Variants in ZNF609 observed in about 807,000 individuals in gnomAD.
ZNF609 encodes zinc finger protein 609.
ZNF609 carries 11 observed loss-of-function variants against 109.5 expected under a neutral mutation model. That is an observed-to-expected ratio of 0.10 (90% CI 0.06 to 0.17). ZNF609 has a LOEUF of 0.17. Ranked by LOEUF, ZNF609 falls within the 10% of genes least tolerant of loss-of-function variation. The pLI, the probability that ZNF609 is intolerant of heterozygous loss-of-function variation, is 1.00. For synonymous variants in ZNF609, 646 were observed against 662.0 expected, an observed-to-expected ratio of 0.98 and a Z score of 0.37; for missense variants, 1,559 against 1,772.4, an observed-to-expected ratio of 0.88 and a Z score of 2.16.
intron 2 of ZNF609, among the ~76,000 whole-genome samples, chr15:64,514,763 C>G (rs1484994524): frequency 1.3e-5 from 2 of 152,026 alleles, no homozygotes; most frequent in Non-Finnish European, 1.5e-5. Flanking sequence ...CTTAGCCACC[C>G]CAGTAGCTGG....
intron 2 of ZNF609, among the ~76,000 whole-genome samples, chr15:64,536,725 C>G (rs1051348253): frequency 4.4e-5 from 2 of 45,866 alleles, no homozygotes; most frequent in African/African-American, 1.2e-4. Context: ...AAAATTCCAC[C>G]CCCCCCCCCA....
At chr15:64,625,209 T>A (rs1413545188) in intron 3 of ZNF609, among the ~76,000 whole-genome samples, 1 of 152,250 alleles carries the variant, frequency 6.6e-6, no homozygotes, top group Non-Finnish European at 1.5e-5. Flanking sequence ...TTGCTCATCA[T>A]TGTATCCAAG....
intron 2 of ZNF609, among the ~76,000 whole-genome samples, chr15:64,554,764 A>G (rs774849637): frequency 1.1e-4 from 16 of 152,080 alleles, no homozygotes; most frequent in Non-Finnish European, 4.4e-5. Context: ...TGATTTATTA[A>G]CCTTTTTATA....
At chr15:64,676,849 G>C (rs914838599) in intron 5 of ZNF609, among the ~76,000 whole-genome samples, 3 of 151,482 alleles carry the variant, frequency 2.0e-5, no homozygotes, top group Non-Finnish European at 2.9e-5. Context: ...TGCCTCCCAG[G>C]TTCACACGAT....
At chr15:64,509,935 C>T (rs979771939) in intron 2 of ZNF609, among the ~76,000 whole-genome samples, 2 of 152,096 alleles carry the variant, frequency 1.3e-5, no homozygotes, top group African/African-American at 4.8e-5. Flanking sequence ...TACTGTAGTC[C>T]CCCCAACCTT....
chr15:64,586,370 A>T (rs1371073406), intron 2 of ZNF609, among the ~76,000 whole-genome samples: 1 of 151,844 alleles, frequency 6.6e-6, no homozygotes, highest in Non-Finnish European at 1.5e-5. Flanking sequence ...AATGAGTATC[A>T]GCAACATTTT....
intron 4 of ZNF609, among the ~76,000 whole-genome samples, chr15:64,672,653 A>G (rs1215016726): frequency 5.4e-5 from 8 of 148,072 alleles, no homozygotes; most frequent in Admixed American, 5.4e-4. Context: ...TATTCAGACC[A>G]TAATAGTTGC....
At chr15:64,489,941 GGCAGA>G (rs1405500091) in intron 1 of ZNF609, among the ~76,000 whole-genome samples, 5 of 151,638 alleles carry the variant, frequency 3.3e-5, no homozygotes, top group Non-Finnish European at 7.4e-5. Flanking sequence ...GAAGAGGCAT[GGCAGA>G]GCTTATTTTT....
intron 2 of ZNF609, among the ~76,000 whole-genome samples, chr15:64,563,684 G>A (rs1376639906): frequency 6.6e-6 from 1 of 151,960 alleles, no homozygotes; most frequent in Admixed American, 6.6e-5. Context: ...GCTGAGGCAG[G>A]AGAATAGCTT....
chr15:64,640,506 G>A (rs1896238483), intron 3 of ZNF609, among the ~76,000 whole-genome samples: 1 of 152,140 alleles, frequency 6.6e-6, no homozygotes, highest in African/African-American at 2.4e-5. Flanking sequence ...TCAGCAGTTG[G>A]CAGCATACTA....
chr15:64,498,992 T>C (rs1444291851), intron 1 of ZNF609, among the ~76,000 whole-genome samples: 1 of 152,124 alleles, frequency 6.6e-6, no homozygotes, highest in Non-Finnish European at 1.5e-5. Flanking sequence ...CAGCTGACAG[T>C]GGTAGTAGAA....
At chr15:64,604,847 T>A (rs182829388) in intron 2 of ZNF609, among the ~76,000 whole-genome samples, 84 of 150,026 alleles carry the variant, frequency 5.6e-4, no homozygotes, top group Admixed American at 3.1e-3. Flanking sequence ...TTATTTATTT[T>A]TTGAGATGGA....
At chr15:64,597,899 C>T (rs1217987433) in intron 2 of ZNF609, among the ~76,000 whole-genome samples, 1 of 152,102 alleles carries the variant, frequency 6.6e-6, no homozygotes, top group African/African-American at 2.4e-5. Flanking sequence ...CAATCTCTTC[C>T]CTTACCTACC....
chr15:64,475,171 G>GT (rs889264158), intron 1 of ZNF609, among the ~76,000 whole-genome samples: 18 of 128,090 alleles, frequency 1.4e-4, no homozygotes, highest in African/African-American at 2.9e-4. Flanking sequence ...ATTTCTTAGG[G>GT]TTTTTTTTTC....
intron 2 of ZNF609, among the ~76,000 whole-genome samples, chr15:64,580,302 C>G (rs777777574): frequency 3.3e-5 from 5 of 152,146 alleles, no homozygotes; most frequent in African/African-American, 4.8e-5. Context: ...CCATTTTAGA[C>G]TTTTGAACTC....
chr15:64,534,408 G>A (rs540592710), intron 2 of ZNF609, among the ~76,000 whole-genome samples: 4 of 152,008 alleles, frequency 2.6e-5, no homozygotes, highest in Admixed American at 1.3e-4. Flanking sequence ...TCCGCCTCCC[G>A]GGTTCAAGCG....
chr15:64,525,605 G>T (rs938038183), intron 2 of ZNF609, among the ~76,000 whole-genome samples: 1 of 152,166 alleles, frequency 6.6e-6, no homozygotes, highest in African/African-American at 2.4e-5. Flanking sequence ...ATTTCTGCAA[G>T]AAGCAGGCTA....
At chr15:64,562,325 A>G (rs749383974) in intron 2 of ZNF609, among the ~76,000 whole-genome samples, 12 of 152,210 alleles carry the variant, frequency 7.9e-5, no homozygotes, top group East Asian at 3.8e-4. Context: ...CTAGGCAACA[A>G]TTTCTCTTGA....
chr15:64,478,449 C>T (rs1009007512), intron 1 of ZNF609, among the ~76,000 whole-genome samples: 2 of 152,022 alleles, frequency 1.3e-5, no homozygotes, highest in African/African-American at 2.4e-5. Context: ...CGGCTCACTG[C>T]AACCTCTGCC....
Sources: allele counts gnomAD v4.1 joint callset (sites outside exome capture counted in the v4.1 genomes callset), GRCh38; gene constraint gnomAD v4.1.1; transcripts MANE v1.5; gene names NCBI Gene and HGNC (gene_info 2026-07-23, HGNC 2026-07-21).